Variants in ROBO2 observed in about 807,000 individuals in gnomAD.
The protein encoded by ROBO2 is roundabout homolog 2.
In ROBO2, 53 loss-of-function variants were observed where a neutral mutation model predicts 160.8. The observed-to-expected ratio is 0.33, with a 90% CI of 0.26 to 0.41. The LOEUF is 0.41. Among genes scored for constraint, ROBO2 ranks in the 10% least tolerant of loss-of-function variants. The pLI, the probability that ROBO2 is intolerant of heterozygous loss-of-function variation, is 1.00. For missense variants in ROBO2, 1,577 were observed against 1,722.4 expected (o/e 0.92, Z 1.49); for synonymous variants, 664 against 611.7 (o/e 1.09, Z -1.26).
chr3:77,474,630 T>C (rs952503908), intron 2 of ROBO2, among the ~76,000 whole-genome samples: 9 of 150,342 alleles, frequency 6.0e-5, no homozygotes. Context: ...TTTTCAGTTC[T>C]TTCTAGGGTA....
At chr3:76,599,838 G>T (rs766700744) in intron 2 of ROBO2, among the ~76,000 whole-genome samples, 1 of 152,130 alleles carries the variant, frequency 6.6e-6, no homozygotes, top group Non-Finnish European at 1.5e-5. Context: ...TTGGCCACAT[G>T]TATGTCTTCT....
chr3:77,290,396 A>G (rs1253895888), intron 2 of ROBO2, among the ~76,000 whole-genome samples: 4 of 57,196 alleles, frequency 7.0e-5, no homozygotes, highest in African/African-American at 1.8e-4. Context: ...ACATAAAGTA[A>G]AATTGACGGT....
intron 23 of ROBO2, chr3:77,633,091 T>C (rs1444498939): frequency 6.4e-6 from 1 of 155,120 alleles, no homozygotes; most frequent in African/African-American, 2.4e-5. Flanking sequence ...GAAGGTTTCC[T>C]TAGCATGGGG....
At chr3:76,449,303 C>T (rs1029556707) in intron 2 of ROBO2, among the ~76,000 whole-genome samples, 3 of 151,970 alleles carry the variant, frequency 2.0e-5, no homozygotes, top group African/African-American at 7.2e-5. Flanking sequence ...ATTTTTTTCT[C>T]TCTCCCCTTC....
At chr3:76,428,815 C>T (rs2076322108) in intron 2 of ROBO2, among the ~76,000 whole-genome samples, 1 of 152,166 alleles carries the variant, frequency 6.6e-6, no homozygotes, top group African/African-American at 2.4e-5. Flanking sequence ...GCGTCACCTA[C>T]TGAAGCTGGT....
chr3:77,198,906 A>T (rs1249728078), intron 2 of ROBO2, among the ~76,000 whole-genome samples: 1 of 152,128 alleles, frequency 6.6e-6, no homozygotes, highest in African/African-American at 2.4e-5. Flanking sequence ...CTGTCCTAAA[A>T]AAAAAGAAAA....
chr3:76,740,874 T>C (rs2093790925), intron 2 of ROBO2, among the ~76,000 whole-genome samples: 1 of 152,130 alleles, frequency 6.6e-6, no homozygotes, highest in African/African-American at 2.4e-5. Context: ...AATAACTGCA[T>C]GAGCAAAAAT....
In ROBO2 at chr3:77,529,797, C is replaced by T. The variant is rs191268261; in HGVS notation, c.934+6895C>T. On this transcript the variant is annotated intron_variant, in intron 6 of 25. Coordinates refer to ENST00000461745, the Ensembl canonical transcript of ROBO2. ...CATTTCATAAATCTATCTCAAATGA[C>T]TTATGACAATGTTCAGAAATATAAA... 2.6e-4 allele frequency among the ~76,000 whole-genome samples: 40 copies of T among 151,920 alleles called. 1 individual carries two copies. The East Asian group carries it at 7.6e-3, about 29-fold the overall frequency.
chr3:76,134,382 G>A (rs2071348213), intron 2 of ROBO2, among the ~76,000 whole-genome samples: 1 of 151,960 alleles, frequency 6.6e-6, no homozygotes, highest in African/African-American at 2.4e-5. Flanking sequence ...CTCATCTTGA[G>A]AGTAAGTGGA....
chr3:76,151,873 C>T (rs1408628830), intron 2 of ROBO2, among the ~76,000 whole-genome samples: 1 of 152,126 alleles, frequency 6.6e-6, no homozygotes, highest in Non-Finnish European at 1.5e-5. Context: ...TGTGAATTCT[C>T]ATTTTGATAA....
At chr3:76,074,701 A>G (rs2068585532) in intron 2 of ROBO2, among the ~76,000 whole-genome samples, 1 of 152,194 alleles carries the variant, frequency 6.6e-6, no homozygotes, top group Admixed American at 6.5e-5. Flanking sequence ...AGTAAAATAT[A>G]AGACTGTTCA....
chr3:76,542,518 G>A (rs2082875617), intron 2 of ROBO2, among the ~76,000 whole-genome samples: 1 of 152,058 alleles, frequency 6.6e-6, no homozygotes. Context: ...TCTTAGGTAT[G>A]GATGTTTTTG....
chr3:76,934,222 A>G (rs2077537544), intron 2 of ROBO2, among the ~76,000 whole-genome samples: 2 of 151,556 alleles, frequency 1.3e-5, no homozygotes, highest in African/African-American at 4.9e-5. Context: ...AAAAAAAAAA[A>G]GATTAAACCA....
chr3:76,899,973 C>T (rs1005311396), intron 2 of ROBO2, among the ~76,000 whole-genome samples: 6 of 152,218 alleles, frequency 3.9e-5, no homozygotes, highest in African/African-American at 1.4e-4. Flanking sequence ...TAAAGACACA[C>T]CTGAGACTGG....
chr3:76,558,081 T>C (rs145559759), intron 2 of ROBO2, among the ~76,000 whole-genome samples: 2 of 152,150 alleles, frequency 1.3e-5, no homozygotes, highest in Non-Finnish European at 2.9e-5. Context: ...TAAGATAATA[T>C]ATTCAAGATA....
intron 2 of ROBO2, among the ~76,000 whole-genome samples, chr3:76,712,156 T>C (rs1025736814): frequency 6.6e-6 from 1 of 152,144 alleles, no homozygotes; most frequent in Non-Finnish European, 1.5e-5. Context: ...TCTAACACAT[T>C]TTAAAATTAG....
At chr3:77,155,970 A>G (rs1047262076) in intron 2 of ROBO2, among the ~76,000 whole-genome samples, 1 of 151,952 alleles carries the variant, frequency 6.6e-6, no homozygotes, top group Admixed American at 6.6e-5. Flanking sequence ...CTTCTTGCTC[A>G]GGAGCTCTCA....
chr3:76,480,693 A>G (rs904892673), intron 2 of ROBO2, among the ~76,000 whole-genome samples: 1 of 152,110 alleles, frequency 6.6e-6, no homozygotes, highest in Non-Finnish European at 1.5e-5. Flanking sequence ...CTCTTTTATA[A>G]AGGCATGCAT....
chr3:76,406,353 G>T (rs1179978076), intron 2 of ROBO2, among the ~76,000 whole-genome samples: 1 of 151,786 alleles, frequency 6.6e-6, no homozygotes, highest in Non-Finnish European at 1.5e-5. Context: ...CTAATTTTTT[G>T]ATTAAATACT....
Sources: allele counts gnomAD v4.1 joint callset (sites outside exome capture counted in the v4.1 genomes callset), GRCh38; gene constraint gnomAD v4.1.1; transcripts MANE v1.5; gene names NCBI Gene and HGNC (gene_info 2026-07-23, HGNC 2026-07-21).